ALDOA: variants seen among roughly 807,000 people sequenced by gnomAD.
The protein encoded by ALDOA is aldolase, fructose-bisphosphate A, also known as fructose-bisphosphate aldolase A.
In ALDOA, 26 loss-of-function variants were observed where a neutral mutation model predicts 43.9. That is an observed-to-expected ratio of 0.59 (90% CI 0.43 to 0.82). The LOEUF (loss-of-function observed/expected upper bound fraction) is 0.82, where lower values mean the gene tolerates loss of function less well. Ranked by LOEUF, ALDOA falls within the 40% of genes least tolerant of loss-of-function variation. The pLI, the probability that ALDOA is intolerant of heterozygous loss-of-function variation, is 0.00. For missense variants in ALDOA, 498 were observed against 549.5 expected (o/e 0.91, Z 0.94); for synonymous variants, 258 against 222.6 (o/e 1.16, Z -1.42).
intron 4 of ALDOA, chr16:30,068,224 G>A (rs1396024915): frequency 1.6e-5 from 5 of 318,590 alleles, no homozygotes; most frequent in Admixed American, 4.5e-5. Context: ...GCCACCACCC[G>A]GCTAATTTTT....
chr16:30,068,633 C>T lies in ALDOA; in HGVS notation c.487-13C>T. On this transcript the variant is annotated splice_polypyrimidine_tract_variant and intron_variant, in intron 4 of 9. Transcript: ENST00000642816. ...TTTCCTGTGTCTTAATGTTGTTACC[C>T]TGACCCCAACAGGTAGACAAGGGCG... 6.2e-7 allele frequency: 1 copy of T among 1,614,090 alleles called. No individual in the cohort carries two copies. The highest frequency in any genetic ancestry group is 1.1e-5 in the South Asian group (1 of 91,062).
chr16:30,068,503 T>C (rs866228205), intron 4 of ALDOA, 143 bp from the exon 5 acceptor site: 6 of 897,692 alleles, frequency 6.7e-6, no homozygotes, highest in Non-Finnish European at 1.1e-5. Context: ...CCTAGGAGGC[T>C]GAGGCGGGAG....
At chr16:30,069,021 GGTTC>G (rs777723350) in intron 6 of ALDOA, 43 bp downstream of exon 6, 2 of 1,613,340 alleles carry the variant, frequency 1.2e-6, no homozygotes, top group African/African-American at 2.7e-5. Flanking sequence ...TACCTCATTT[GGTTC>G]CAGTGTTGTT....
At chr16:30,069,223 G>T in intron 6 of ALDOA, 83 bp from the exon 7 acceptor site, 2 of 1,490,206 alleles carry the variant, frequency 1.3e-6, no homozygotes, top group East Asian at 2.3e-5. Context: ...ATCAAGATAC[G>T]GTCTTGACCA....
In ALDOA at chr16:30,067,224, C is replaced by G. The variant is rs762219882; in HGVS notation, c.142-10C>G. ...CTAACTAGTCCTTCCCCTCTGTTTCCTGTATCCAGGAACTTGCTACTACCA... is the reference window on the plus strand; with the variant it reads ...CTAACTAGTCCTTCCCCTCTGTTTCGTGTATCCAGGAACTTGCTACTACCA... On this transcript the variant is annotated splice_polypyrimidine_tract_variant and intron_variant, in intron 2 of 9. Transcript: ENST00000642816. 11 of 1,612,218 alleles carry G rather than the reference C, an allele frequency of 6.8e-6. No homozygotes were observed. Among genetic ancestry groups the G allele is most frequent in the South Asian group, 1.1e-5 (1 of 90,998 alleles).
At chr16:30,065,505 G>T (rs902161278), upstream of ALDOA, among the ~76,000 whole-genome samples, 2 of 152,224 alleles carry the variant, frequency 1.3e-5, no homozygotes, top group African/African-American at 4.8e-5. Flanking sequence ...AGCGCGCCAG[G>T]CTGGGGGAAA....
chr16:30,066,894 C>G lies in ALDOA; in HGVS notation c.-4C>G. 2.6e-6 allele frequency: 4 copies of G among 1,549,626 alleles called. No individual in the cohort carries two copies. The highest frequency in any genetic ancestry group is 2.6e-6 in the Non-Finnish European group (3 of 1,146,352). On this transcript the variant is annotated 5_prime_UTR_variant, in exon 2 of 10. Transcript: ENST00000642816. ...TCGGTTTTGTTTTCAGGCAAGGTGA[C>G]CCCATGGCAAGGCGCAAGCCAGAAG...
Position 30,067,285 on chromosome 16 carries a change from G to T in ALDOA, c.193G>T (p.Glu65Ter). ...MPYQYPALTP[E>*]QKKELSDIAH... ...CTACCAATATCCAGCACTGACCCCG[G>T]AGCAGAAGAAGGAGCTGTCTGACAT... The change falls in exon 3 of 10, where the codon GAG (glutamate) becomes TAG (stop). Residue 65 changes from glutamate to a stop codon, truncating the protein, a stop_gained. Transcript: ENST00000642816. LOFTEE classifies it high-confidence loss of function. 1 of 1,612,644 alleles carries T rather than the reference G, an allele frequency of 6.2e-7. No homozygotes were observed. Among genetic ancestry groups the T allele is most frequent in the Non-Finnish European group, 8.5e-7 (1 of 1,180,016 alleles).
At chr16:30,065,067 G>GGCT (rs1490975384), upstream of ALDOA, among the ~76,000 whole-genome samples, 4 of 152,246 alleles carry the variant, frequency 2.6e-5, 1 homozygote, top group Non-Finnish European at 5.9e-5. Context: ...CTACCAGCCT[G>GGCT]GCTGCGGCGG....
chr16:30,067,337 A>G lies in ALDOA; in HGVS notation c.245A>G (p.Lys82Arg). 1.2e-6 allele frequency: 2 copies of G among 1,613,826 alleles called. No individual in the cohort carries two copies. The highest frequency in any genetic ancestry group is 1.1e-5 in the South Asian group (1 of 91,066). ...DIAHRIVAPG[K>R]GILAADESTG... ...GCTCACCGCATCGTGGCACCTGGCA[A>G]GGGCATCCTGGCTGCAGATGAGTCC... Residue 82 changes from lysine to arginine, a missense_variant, in exon 3 of 10, where the codon AAG (lysine) becomes AGG (arginine). Transcript: ENST00000642816.
At chr16:30,068,502 C>CT in intron 4 of ALDOA, 144 bp from the exon 5 acceptor site, 1 of 888,444 alleles carries the variant, frequency 1.1e-6, no homozygotes, top group Non-Finnish European at 1.8e-6. Context: ...ACCTAGGAGG[C>CT]TGAGGCGGGA....
chr16:30,070,236 C>A lies in ALDOA; in HGVS notation c.*24C>A. Reference sequence around the variant, plus strand: ...AAGCGGAGGTGTTCCCAGGCTGCCCCCAACACTCCAGGCCCTGCCCCCTCC... The same window carrying A: ...AAGCGGAGGTGTTCCCAGGCTGCCCACAACACTCCAGGCCCTGCCCCCTCC... On this transcript the variant is annotated 3_prime_UTR_variant, in exon 10 of 10. Transcript: ENST00000642816. The A allele has an allele frequency of 6.2e-7, 1 of 1,611,966 alleles. No individual in the cohort carries two copies. The highest frequency in any genetic ancestry group is 8.5e-7 in the Non-Finnish European group (1 of 1,178,176).
upstream of ALDOA, chr16:30,064,354 GAGA>G: frequency 2.5e-6 from 1 of 398,844 alleles, no homozygotes; most frequent in South Asian, 1.3e-4. Flanking sequence ...AGGGAGATTA[GAGA>G]AGGAGCCAGG....
intron 7 of ALDOA, 34 bp from the exon 8 acceptor site, chr16:30,069,465 C>T: frequency 6.2e-7 from 1 of 1,614,024 alleles, no homozygotes. Context: ...CTCTCCTCCA[C>T]CCCACTACCC....
rs1567326263 is a variant in ALDOA at position 30,070,038 on chromosome 16, AGGCAGGAGGTG to A, written c.1161+16_1161+26del. The A allele has an allele frequency of 6.2e-7, 1 of 1,613,670 alleles. No individual in the cohort carries two copies. Among genetic ancestry groups the A allele is most frequent in the Non-Finnish European group, 8.5e-7 (1 of 1,179,970 alleles). On this transcript the variant is annotated intron_variant, in intron 9 of 9. Coordinates refer to ENST00000642816, the MANE Select transcript of ALDOA (RefSeq NM_001243177.4). ...ATGTCAAGCGAGCCCTGGTAAGGAT[AGGCAGGAGGTG>A]GGCAGGGTGCCTGGGTGGATGGGAC...
rs750388752 is a variant in ALDOA at position 30,067,475 on chromosome 16, C to T, written c.300C>T (p.Ser100=). The part of the protein sequence containing the change: ...STGSIAKRLQ[S]IGTENTEENR... ...GGAGCATTGCCAAGCGGCTGCAGTC[C>T]ATTGGCACCGAGAACACCGAGGAGA... Residue 100 remains serine, a synonymous_variant, in exon 4 of 10, where the codon TCC becomes TCT. Coordinates refer to ENST00000642816, the MANE Select transcript of ALDOA (RefSeq NM_001243177.4). 3 of 1,613,334 alleles carry T rather than the reference C, an allele frequency of 1.9e-6. No individual in the cohort carries two copies. Among genetic ancestry groups the T allele is most frequent in the South Asian group, 2.2e-5 (2 of 91,066 alleles).
chr16:30,067,911 C>G, intron 4 of ALDOA: 1 of 558,854 alleles, frequency 1.8e-6, no homozygotes, highest in Non-Finnish European at 3.2e-6. Context: ...AGTGGCAGAG[C>G]CCCAGTCTGA....
downstream of ALDOA, chr16:30,070,419 G>GCCGT (rs959994186): frequency 3.4e-6 from 2 of 591,154 alleles, no homozygotes; most frequent in Non-Finnish European, 6.1e-6. Context: ...GGGGGAGTCG[G>GCCGT]CCGTCCGTGT....
chr16:30,069,413 G>A (rs1300263728), intron 7 of ALDOA, 24 bp downstream of exon 7: 3 of 1,613,970 alleles, frequency 1.9e-6, no homozygotes, highest in South Asian at 1.1e-5. Context: ...TGCCTGACCA[G>A]TGCAAGGTGG....
Sources: allele counts gnomAD v4.1 joint callset (sites outside exome capture counted in the v4.1 genomes callset), GRCh38; gene constraint gnomAD v4.1.1; transcripts MANE v1.5; gene names NCBI Gene and HGNC (gene_info 2026-07-23, HGNC 2026-07-21).